The following RBFOX1 variants were observed in gnomAD, a reference collection of about 807,000 sequenced individuals.
The protein encoded by RBFOX1 is RNA binding fox-1 homolog 1.
A neutral mutation model predicts 57.7 loss-of-function variants in RBFOX1; 8 were observed. The ratio of observed to expected loss-of-function variants is 0.14; its 90% CI spans 0.08 to 0.25. The LOEUF is 0.25. Ranked by LOEUF, RBFOX1 falls within the 10% of genes least tolerant of loss-of-function variation. The probability of loss-of-function intolerance (pLI) is 1.00; values close to 1 mark genes in which losing one functional copy is unlikely to be tolerated. For missense variants in RBFOX1, 611 were observed against 548.5 expected (o/e 1.11, Z -1.14); for synonymous variants, 326 against 222.4 (o/e 1.47, Z -4.15).
At chr16:6,842,305 T>C (rs946664747) in intron 3 of RBFOX1, among the ~76,000 whole-genome samples, 20 of 152,072 alleles carry the variant, frequency 1.3e-4, no homozygotes. Context: ...TCTTAATTAT[T>C]TTTTTCTGAT....
rs1260344025 is a variant in RBFOX1 at position 5,455,029 on chromosome 16, C to CTCTCTCTG, written c.220-12184_220-12183insCTCTGTCT. Reference sequence around the variant, plus strand: ...TTTCTTTCTTTCTTTCTTTCTCTCTCTCTGTCTGTCTCTCTTTCTTTCTTT... The same window carrying CTCTCTCTG: ...TTTCTTTCTTTCTTTCTTTCTCTCTCTCTCTCTGTCTGTCTGTCTCTCTTTCTTTCTTT... On this transcript the variant is annotated intron_variant, in intron 1 of 2. Transcript: ENST00000585867. Among the ~76,000 whole-genome samples the CTCTCTCTG allele has an allele frequency of 7.1e-4, 64 of 90,030 alleles. 2 individuals carry two copies. The highest frequency in any genetic ancestry group is 2.6e-3 in the African/African-American group (62 of 23,988). The allele number at this position is 90,030 out of a possible 152,430, so 59.1% of individuals were successfully genotyped here.
intron 3 of RBFOX1, among the ~76,000 whole-genome samples, chr16:6,841,414 C>G (rs1343154859): frequency 6.6e-6 from 1 of 152,130 alleles, no homozygotes; most frequent in Admixed American, 6.5e-5. Context: ...AATTGACATC[C>G]TGTTTTCCAT....
At chr16:7,670,861 A>G (rs1013886251) in intron 13 of RBFOX1, among the ~76,000 whole-genome samples, 2 of 152,204 alleles carry the variant, frequency 1.3e-5, no homozygotes, top group African/African-American at 4.8e-5. Context: ...TCTTATGTCA[A>G]AAAACTGCAT....
intron 3 of RBFOX1, among the ~76,000 whole-genome samples, chr16:6,684,211 T>C (rs1179298985): frequency 6.6e-6 from 1 of 152,212 alleles, no homozygotes; most frequent in Non-Finnish European, 1.5e-5. Context: ...ATTAGTTTCT[T>C]ATGCATGGAA....
intron 4 of RBFOX1, among the ~76,000 whole-genome samples, chr16:7,431,914 C>A (rs999494894): frequency 6.6e-6 from 1 of 152,216 alleles, no homozygotes; most frequent in Non-Finnish European, 1.5e-5. Context: ...GAGGCAGGGG[C>A]TTGTTTCTAG....
At chr16:5,362,681 C>T (rs182270201) in intron 1 of RBFOX1, among the ~76,000 whole-genome samples, 1 of 152,148 alleles carries the variant, frequency 6.6e-6, no homozygotes, top group Admixed American at 6.5e-5. Flanking sequence ...ACACTTTATA[C>T]CCATTGAATA....
intron 1 of RBFOX1, among the ~76,000 whole-genome samples, chr16:5,321,718 C>T (rs550058242): frequency 6.6e-6 from 1 of 152,118 alleles, no homozygotes; most frequent in African/African-American, 2.4e-5. Context: ...TCCTTCCACA[C>T]CTGGGGCTAC....
intron 4 of RBFOX1, among the ~76,000 whole-genome samples, chr16:7,515,056 G>A (rs11644555): frequency 0.49 from 74,220 of 151,962 alleles, 22,897 homozygotes; most frequent in Non-Finnish European, 0.69. Context: ...TAGAAGGTTG[G>A]GGAGGCAGAA....
rs576136604 is a variant in RBFOX1 at position 6,996,022 on chromosome 16, A to G, written c.-15-56035A>G. 2.2e-4 allele frequency among the ~76,000 whole-genome samples: 33 copies of G among 152,346 alleles called. No individual in the cohort carries two copies. The South Asian group carries it at 5.2e-3, about 24-fold the overall frequency. On this transcript the variant is annotated intron_variant, in intron 3 of 15. Transcript: ENST00000550418. The stretch of plus-strand genomic sequence containing the variant: ...TATAGCATACAAATCTAAACTTCTC[A>G]ACTTACCTTGATAACTGGTCCCCAT...
intron 3 of RBFOX1, among the ~76,000 whole-genome samples, chr16:6,975,439 T>C (rs1449202471): frequency 6.6e-6 from 1 of 152,076 alleles, no homozygotes; most frequent in Admixed American, 6.6e-5. Context: ...TTAATTTCTG[T>C]ATTTTTTAGT....
intron 3 of RBFOX1, among the ~76,000 whole-genome samples, chr16:6,991,558 A>G (rs1199704948): frequency 6.6e-6 from 1 of 152,100 alleles, no homozygotes; most frequent in South Asian, 2.1e-4. Context: ...TTGTTTTGAG[A>G]TGGGGTCCCA....
chr16:7,120,828 T>TACACAC (rs557348204), intron 4 of RBFOX1, among the ~76,000 whole-genome samples: 667 of 32,556 alleles, frequency 0.02, 26 homozygotes, highest in Admixed American at 0.14. Context: ...TATATGTATA[T>TACACAC]ATACACACAC....
At chr16:5,802,371 C>A (rs376738273) in intron 3 of RBFOX1, among the ~76,000 whole-genome samples, 31 of 152,224 alleles carry the variant, frequency 2.0e-4, no homozygotes, top group African/African-American at 7.0e-4. Flanking sequence ...TGTGAGTCTT[C>A]CCAAAGGATG....
At chr16:6,343,197 G>T (rs894571082) in intron 2 of RBFOX1, among the ~76,000 whole-genome samples, 5 of 152,072 alleles carry the variant, frequency 3.3e-5, no homozygotes, top group Non-Finnish European at 7.4e-5. Context: ...GGGAAAAATG[G>T]CTTTTCATTC....
chr16:6,845,981 G>T (rs1332683482), intron 3 of RBFOX1, among the ~76,000 whole-genome samples: 1 of 152,170 alleles, frequency 6.6e-6, no homozygotes, highest in Non-Finnish European at 1.5e-5. Context: ...ATAAAATAAT[G>T]CATCAATGCA....
chr16:7,068,455 G>T (rs1567141808), intron 4 of RBFOX1, among the ~76,000 whole-genome samples: 2 of 152,114 alleles, frequency 1.3e-5, no homozygotes, highest in Non-Finnish European at 2.9e-5. Flanking sequence ...ACCTCTACCT[G>T]CCTTTTGAAC....
chr16:6,592,921 G>C (rs532992569), intron 2 of RBFOX1, among the ~76,000 whole-genome samples: 1 of 152,070 alleles, frequency 6.6e-6, no homozygotes, highest in African/African-American at 2.4e-5. Flanking sequence ...GGCTGGGCAC[G>C]GTGGCTCATG....
intron 3 of RBFOX1, among the ~76,000 whole-genome samples, chr16:7,024,884 C>G (rs1359508489): frequency 6.6e-6 from 1 of 152,110 alleles, no homozygotes; most frequent in Non-Finnish European, 1.5e-5. Context: ...ATGGAAGGGC[C>G]TTAGAAGTCA....
intron 4 of RBFOX1, among the ~76,000 whole-genome samples, chr16:7,337,018 T>G (rs1433413615): frequency 1.3e-5 from 2 of 152,328 alleles, no homozygotes; most frequent in East Asian, 3.9e-4. Flanking sequence ...GAAATAACTT[T>G]CTGAAAAAGC....
Sources: gnomAD v4.1 joint callset for allele counts (sites outside exome capture counted in the v4.1 genomes callset) on GRCh38, gnomAD v4.1.1 for gene constraint, MANE v1.5 for transcripts, NCBI Gene and HGNC (gene_info 2026-07-23, HGNC 2026-07-21) for gene names.